Variants in ZNF827 observed in about 807,000 individuals in gnomAD.
The protein encoded by ZNF827 is zinc finger protein 827.
ZNF827 carries 13 observed loss-of-function variants against 102.4 expected under a neutral mutation model. That is an observed-to-expected ratio of 0.13 (90% CI 0.08 to 0.20). The LOEUF is 0.20. Among genes scored for constraint, ZNF827 ranks in the 10% least tolerant of loss-of-function variants. The pLI is 1.00. For missense variants in ZNF827, 1,103 were observed against 1,344.4 expected, an observed-to-expected ratio of 0.82 and a Z score of 2.81; for synonymous variants, 523 against 536.2, an observed-to-expected ratio of 0.98 and a Z score of 0.34.
chr4:145,868,496 C>A (rs1358658462), intron 5 of ZNF827, among the ~76,000 whole-genome samples: 2 of 152,236 alleles, frequency 1.3e-5, no homozygotes, highest in Non-Finnish European at 1.5e-5. Flanking sequence ...CACATGTGCT[C>A]AACCAAAGGC....
intron 4 of ZNF827, among the ~76,000 whole-genome samples, chr4:145,885,366 T>A (rs1750017187): frequency 6.6e-6 from 1 of 152,020 alleles, no homozygotes; most frequent in African/African-American, 2.4e-5. Flanking sequence ...GACACAAGCC[T>A]GGCTTACCAT....
At chr4:145,800,330 A>C (rs1740767892) in intron 8 of ZNF827, among the ~76,000 whole-genome samples, 1 of 152,138 alleles carries the variant, frequency 6.6e-6, no homozygotes, top group Non-Finnish European at 1.5e-5. Flanking sequence ...ATAGTGAAGC[A>C]ATATCATTTC....
rs184184143 is a variant in ZNF827, at chr4:145,897,855, A to G, written c.1093+4311T>C. Among the ~76,000 whole-genome samples the G allele has an allele frequency of 5.5e-3, 832 of 152,318 alleles. 4 individuals are homozygous for G. Among genetic ancestry groups the G allele is most frequent in the African/African-American group, 0.018 (755 of 41,556 alleles). On this transcript the variant is annotated intron_variant, in intron 2 of 14. Coordinates refer to ENST00000508784, the MANE Select transcript of ZNF827 (RefSeq NM_001306215.2). The stretch of plus-strand genomic sequence containing the variant: ...CATATATGGGATCATTCTCAGATTA[A>G]GGCTTATTGAGACTTATGGCCGGGT...
intron 8 of ZNF827, among the ~76,000 whole-genome samples, chr4:145,799,220 T>G (rs1287940924): frequency 6.6e-6 from 1 of 152,218 alleles, no homozygotes; most frequent in Non-Finnish European, 1.5e-5. Context: ...AACAGACATT[T>G]GTGTGCTGAA....
intron 5 of ZNF827, among the ~76,000 whole-genome samples, chr4:145,853,974 T>TAA (rs138471329): frequency 6.7e-6 from 1 of 149,934 alleles, no homozygotes; most frequent in South Asian, 2.1e-4. Flanking sequence ...AAGTCTCAAT[T>TAA]AAAAAAAAAT....
Position 145,873,433 on chromosome 4 carries a change from C to T in ZNF827, c.1748-2955G>A, listed in dbSNP as rs1271690876. ...ATCCCACCAAAAGCAATCAGAAGTGCTTTCCCTGGATTTAATAATTAGATG... is the reference window on the plus strand; with the variant it reads ...ATCCCACCAAAAGCAATCAGAAGTGTTTTCCCTGGATTTAATAATTAGATG... On this transcript the variant is annotated intron_variant, in intron 4 of 14. Coordinates refer to ENST00000508784, the MANE Select transcript of ZNF827 (RefSeq NM_001306215.2). 5.9e-5 allele frequency among the ~76,000 whole-genome samples: 9 copies of T among 152,190 alleles called. No individual in the cohort carries two copies. The East Asian group carries it at 1.7e-3, about 29-fold the overall frequency.
At chr4:145,901,673 AAGT>A (rs1182013473) in intron 2 of ZNF827, among the ~76,000 whole-genome samples, 1 of 152,228 alleles carries the variant, frequency 6.6e-6, no homozygotes, top group African/African-American at 2.4e-5. Flanking sequence ...GCTAACATAA[AAGT>A]ATATGGTGTG....
chr4:145,866,256 C>T (rs1561016799), intron 5 of ZNF827, among the ~76,000 whole-genome samples: 1 of 152,224 alleles, frequency 6.6e-6, no homozygotes, highest in Non-Finnish European at 1.5e-5. Context: ...GCCCTAATTA[C>T]AGCTGCTAAT....
intron 5 of ZNF827, among the ~76,000 whole-genome samples, chr4:145,863,790 A>G (rs1330121653): frequency 6.6e-6 from 1 of 152,096 alleles, no homozygotes; most frequent in Non-Finnish European, 1.5e-5. Context: ...GAGCAATGAA[A>G]ATTTTCTGGA....
rs114423765 is a variant in ZNF827 at position 145,855,463 on chromosome 4, C to A, written c.1982-5902G>T. On this transcript the variant is annotated intron_variant, in intron 5 of 14. Transcript: ENST00000508784. ...AAAACTTTGTGAACAAGAATGCAGA[C>A]CAAAAGGACCAATGAAGTGAAACAA... 3.2e-3 allele frequency among the ~76,000 whole-genome samples: 489 copies of A among 152,268 alleles called. 2 individuals are homozygous for A. The highest frequency in any genetic ancestry group is 0.011 in the African/African-American group (470 of 41,548).
intron 11 of ZNF827, among the ~76,000 whole-genome samples, chr4:145,770,707 A>G (rs955315308): frequency 6.6e-6 from 1 of 152,188 alleles, no homozygotes; most frequent in African/African-American, 2.4e-5. Context: ...GTTTTAAATG[A>G]TTGTATTATA....
intron 5 of ZNF827, among the ~76,000 whole-genome samples, chr4:145,866,889 G>A (rs1033437980): frequency 1.3e-5 from 2 of 152,144 alleles, no homozygotes; most frequent in African/African-American, 4.8e-5. Context: ...GTCATTTTCA[G>A]CATTACATCA....
At chr4:145,854,278 G>A (rs557748396) in intron 5 of ZNF827, among the ~76,000 whole-genome samples, 69 of 151,966 alleles carry the variant, frequency 4.5e-4, no homozygotes, top group African/African-American at 1.6e-3. Flanking sequence ...CTTACAGGTG[G>A]GAAGGGAAGG....
intron 1 of ZNF827, among the ~76,000 whole-genome samples, chr4:145,915,825 T>G (rs557147703): frequency 6.6e-6 from 1 of 152,286 alleles, no homozygotes; most frequent in African/African-American, 2.4e-5. Context: ...TGTAAGCCTG[T>G]AAAATTAAAC....
intron 4 of ZNF827, among the ~76,000 whole-genome samples, chr4:145,882,811 G>T (rs1336619272): frequency 2.6e-5 from 4 of 152,182 alleles, no homozygotes; most frequent in African/African-American, 9.7e-5. Context: ...ACCAGCAGGT[G>T]CACGGACAGA....
chr4:145,855,184 C>A (rs1746948670), intron 5 of ZNF827, among the ~76,000 whole-genome samples: 1 of 152,196 alleles, frequency 6.6e-6, no homozygotes, highest in Non-Finnish European at 1.5e-5. Context: ...ATTGGTCATT[C>A]CCTCTCGACT....
intron 7 of ZNF827, among the ~76,000 whole-genome samples, chr4:145,835,945 TCTC>T (rs1204967387): frequency 6.6e-6 from 1 of 151,056 alleles, no homozygotes; most frequent in Non-Finnish European, 1.5e-5. Flanking sequence ...ACCCATATAC[TCTC>T]CTATCCTCAA....
At position 145,837,128 on chromosome 4, in the gene ZNF827, C is replaced by G. The variant is rs1744925606; in HGVS notation, c.2279+8828G>C. On this transcript the variant is annotated intron_variant, in intron 7 of 14. Coordinates refer to ENST00000508784, the MANE Select transcript of ZNF827 (RefSeq NM_001306215.2). Reference sequence around the variant, plus strand: ...AGACATAATTCCTCAGTTTAGCCTTCCCACCTCAATACAGTCTGATAACAG... The same window carrying G: ...AGACATAATTCCTCAGTTTAGCCTTGCCACCTCAATACAGTCTGATAACAG... Among the ~76,000 whole-genome samples, 3 of 152,184 alleles carry G rather than the reference C, an allele frequency of 2.0e-5. No homozygotes were observed. The South Asian group carries it at 6.2e-4, about 31-fold the overall frequency.
intron 8 of ZNF827, among the ~76,000 whole-genome samples, chr4:145,808,837 A>C (rs909997184): frequency 2.0e-5 from 3 of 152,178 alleles, no homozygotes; most frequent in Non-Finnish European, 4.4e-5. Flanking sequence ...CTCTGACACC[A>C]AGGCTGGAGT....
Sources: gnomAD v4.1 joint callset for allele counts (sites outside exome capture counted in the v4.1 genomes callset) on GRCh38, gnomAD v4.1.1 for gene constraint, MANE v1.5 for transcripts, NCBI Gene and HGNC (gene_info 2026-07-23, HGNC 2026-07-21) for gene names.